Variants in MAGOH observed in about 807,000 individuals in gnomAD.
MAGOH encodes the protein protein mago nashi homolog.
MAGOH carries 3 observed loss-of-function variants against 20.9 expected under a neutral mutation model. The ratio of observed to expected loss-of-function variants is 0.14; its 90% CI spans 0.07 to 0.37. MAGOH has a LOEUF of 0.37. Among genes scored for constraint, MAGOH ranks in the 10% least tolerant of loss-of-function variants. The pLI is 1.00. For synonymous variants in MAGOH, 51 were observed against 61.0 expected, an observed-to-expected ratio of 0.84 and a Z score of 0.76; for missense variants, 66 against 178.1, an observed-to-expected ratio of 0.37 and a Z score of 3.58.
At position 53,238,350 on chromosome 1, in the gene MAGOH, G is replaced by A. The variant is rs1371827678; in HGVS notation, c.88+11C>T. 1 of 1,613,906 alleles carries A rather than the reference G, an allele frequency of 6.2e-7. No homozygotes were observed. On this transcript the variant is annotated intron_variant, in intron 1 of 4. Coordinates refer to ENST00000371470, the MANE Select transcript of MAGOH (RefSeq NM_002370.4). The stretch of plus-strand genomic sequence containing the variant: ...GGTCCCCGCTCCCGGCGGGCGGCAG[G>A]CTGCTTTTACCGTCCGGTCGAAACT...
At chr1:53,235,313 C>T (rs1572397772) in intron 2 of MAGOH, among the ~76,000 whole-genome samples, 1 of 152,122 alleles carries the variant, frequency 6.6e-6, no homozygotes, top group South Asian at 2.1e-4. Flanking sequence ...CAGGAACTTG[C>T]CCAAGGTCAC....
chr1:53,233,322 A>T, intron 3 of MAGOH: 3 of 435,508 alleles, frequency 6.9e-6, no homozygotes, highest in Non-Finnish European at 1.2e-5. Context: ...AATGTATATA[A>T]ATATACATGA....
chr1:53,238,312 G>T, intron 1 of MAGOH, 49 bp downstream of exon 1: 4 of 1,578,352 alleles, frequency 2.5e-6, no homozygotes, highest in Non-Finnish European at 3.5e-6. Flanking sequence ...CCCACTCGCC[G>T]GCCCCCAGGC....
At chr1:53,236,949 C>CTTTT (rs55693928) in intron 1 of MAGOH, among the ~76,000 whole-genome samples, 3 of 128,014 alleles carry the variant, frequency 2.3e-5, no homozygotes, top group Non-Finnish European at 3.3e-5. Context: ...CAACCAGTAT[C>CTTTT]TTTTTTTTTT....
chr1:53,237,671 C>T (rs1645619022), intron 1 of MAGOH, among the ~76,000 whole-genome samples: 1 of 56,606 alleles, frequency 1.8e-5, no homozygotes, highest in Admixed American at 1.7e-4. Context: ...CGAAAGCCGT[C>T]TCAAAAAAAA....
chr1:53,235,491 A>C lies in MAGOH; in HGVS notation c.147+86T>G, dbSNP rs138472769. 116 of 1,129,656 alleles carry C rather than the reference A, an allele frequency of 1.0e-4. 1 individual carries two copies. The African/African-American group carries it at 1.5e-3, about 15-fold the overall frequency. The allele number at this position is 1,129,656 out of a possible 1,614,324, so 70.0% of individuals were successfully genotyped here. ...CTCTCTCCCTGTTCTTTATCTTTCA[A>C]TACTACTAGAAACAATAAAAACAAT... On this transcript the variant is annotated intron_variant, in intron 2 of 4. Coordinates refer to ENST00000371470, the MANE Select transcript of MAGOH (RefSeq NM_002370.4).
intron 2 of MAGOH, among the ~76,000 whole-genome samples, chr1:53,234,711 A>G (rs1447253525): frequency 6.6e-6 from 1 of 152,122 alleles, no homozygotes; most frequent in Non-Finnish European, 1.5e-5. Flanking sequence ...CTGAGGAGCA[A>G]AATGTATTTT....
intron 2 of MAGOH, among the ~76,000 whole-genome samples, chr1:53,234,277 T>C (rs924012194): frequency 6.6e-6 from 1 of 152,114 alleles, no homozygotes; most frequent in Non-Finnish European, 1.5e-5. Flanking sequence ...CCTCCAAAAT[T>C]GTGAGAAATA....
At chr1:53,232,352 A>G (rs985404160) in intron 3 of MAGOH, among the ~76,000 whole-genome samples, 1 of 152,246 alleles carries the variant, frequency 6.6e-6, no homozygotes, top group South Asian at 2.1e-4. Context: ...CTAGAGATAC[A>G]GCAGTGGAAA....
At chr1:53,235,490 A>T in intron 2 of MAGOH, 87 bp downstream of exon 2, 1 of 1,119,624 alleles carries the variant, frequency 8.9e-7, no homozygotes, top group Non-Finnish European at 1.3e-6. Flanking sequence ...TTTATCTTTC[A>T]ATACTACTAG....
intron 1 of MAGOH, 39 bp from the exon 2 acceptor site, chr1:53,235,674 C>T (rs375366632): frequency 6.5e-7 from 1 of 1,544,496 alleles, no homozygotes. Context: ...ATAATAAAAA[C>T]ATATGAATAA....
At chr1:53,228,009 G>C (rs1325361987) in intron 4 of MAGOH, among the ~76,000 whole-genome samples, 1 of 152,186 alleles carries the variant, frequency 6.6e-6, no homozygotes, top group South Asian at 2.1e-4. Context: ...AAGAGCCAAA[G>C]AAGTTGCCAA....
chr1:53,235,530 C>G, intron 2 of MAGOH, 47 bp downstream of exon 2: 1 of 1,526,814 alleles, frequency 6.5e-7, no homozygotes, highest in African/African-American at 1.4e-5. Context: ...AGACAAAAAG[C>G]TGAAATGTAG....
chr1:53,229,418 A>AT (rs1266476283), intron 3 of MAGOH, among the ~76,000 whole-genome samples: 6 of 151,648 alleles, frequency 4.0e-5, no homozygotes, highest in Admixed American at 2.6e-4. Context: ...GCCAGGATGG[A>AT]TTTTTTTGTA....
chr1:53,228,158 G>A (rs1351861506), intron 4 of MAGOH, among the ~76,000 whole-genome samples: 15 of 152,214 alleles, frequency 9.9e-5, no homozygotes, highest in African/African-American at 2.6e-4. Flanking sequence ...AAGGCTGGGC[G>A]CGGTGGCTCA....
At chr1:53,233,763 T>G (rs1361232852) in intron 2 of MAGOH, 111 bp from the exon 3 acceptor site, 1 of 734,768 alleles carries the variant, frequency 1.4e-6, no homozygotes, top group African/African-American at 1.7e-5. Flanking sequence ...TTCTGGCATC[T>G]CCTTAAGTGG....
chr1:53,233,331 G>T, intron 3 of MAGOH: 5 of 442,254 alleles, frequency 1.1e-5, no homozygotes, highest in African/African-American at 2.0e-5. Flanking sequence ...AAATATACAT[G>T]AATTTAAATA....
intron 3 of MAGOH, 47 bp from the exon 4 acceptor site, chr1:53,229,001 A>G: frequency 7.9e-7 from 1 of 1,262,336 alleles, no homozygotes; most frequent in Non-Finnish European, 1.2e-6. Flanking sequence ...TGGATTATTC[A>G]TCAAGCACAC....
chr1:53,238,454 C>A lies in MAGOH; in HGVS notation c.-6G>T. 6.2e-7 allele frequency: 1 copy of A among 1,613,226 alleles called. No individual in the cohort carries two copies. The highest frequency in any genetic ancestry group is 8.5e-7 in the Non-Finnish European group (1 of 1,179,158). On this transcript the variant is annotated 5_prime_UTR_variant, in exon 1 of 5. Transcript: ENST00000371470. ...AGATAAAAGTCACTCTCCATGGCTC[C>A]CAAAAGACAACCGAGCCTGAACTTC...
Sources: allele counts gnomAD v4.1 joint callset (sites outside exome capture counted in the v4.1 genomes callset), GRCh38; gene constraint gnomAD v4.1.1; transcripts MANE v1.5; gene names NCBI Gene and HGNC (gene_info 2026-07-23, HGNC 2026-07-21).